The following RBFOX1 variants were observed in gnomAD, a reference collection of about 807,000 sequenced individuals.
The protein encoded by RBFOX1 is RNA binding protein fox-1 homolog 1.
A neutral mutation model predicts 57.7 loss-of-function variants in RBFOX1; 8 were observed. The observed-to-expected ratio is 0.14, with a 90% CI of 0.08 to 0.25. RBFOX1 has a LOEUF of 0.25. RBFOX1 is among the 10% of genes least tolerant of loss of function. RBFOX1 has a pLI of 1.00. For missense variants in RBFOX1, 611 were observed against 548.5 expected, an observed-to-expected ratio of 1.11 and a Z score of -1.14; for synonymous variants, 326 against 222.4, an observed-to-expected ratio of 1.47 and a Z score of -4.15.
chr16:7,181,872 G>A (rs1298711935), intron 4 of RBFOX1, among the ~76,000 whole-genome samples: 6 of 152,062 alleles, frequency 3.9e-5, no homozygotes, highest in African/African-American at 1.4e-4. Flanking sequence ...CCAGAGGAGA[G>A]CTTTCTGAGT....
intron 2 of RBFOX1, among the ~76,000 whole-genome samples, chr16:6,615,339 G>A (rs1304072095): frequency 2.6e-5 from 4 of 152,148 alleles, no homozygotes; most frequent in Admixed American, 2.0e-4. Flanking sequence ...GGAGGCCAAG[G>A]CGGGTGGATC....
intron 4 of RBFOX1, among the ~76,000 whole-genome samples, chr16:7,187,538 A>C (rs993397079): frequency 2.6e-5 from 4 of 151,218 alleles, no homozygotes; most frequent in Non-Finnish European, 5.9e-5. Context: ...AAATACAAAA[A>C]ATTAGCCAGG....
chr16:6,795,618 T>C (rs1256887094), intron 3 of RBFOX1, among the ~76,000 whole-genome samples: 1 of 151,922 alleles, frequency 6.6e-6, no homozygotes, highest in African/African-American at 2.4e-5. Flanking sequence ...ATACAAAAAT[T>C]AGCCTGGCAT....
At chr16:6,814,137 C>T (rs1267919246) in intron 3 of RBFOX1, among the ~76,000 whole-genome samples, 3 of 151,882 alleles carry the variant, frequency 2.0e-5, no homozygotes, top group Non-Finnish European at 2.9e-5. Context: ...TTTAAAACTC[C>T]TAGAACAACA....
At chr16:7,695,649 CA>C (rs34363093) in intron 14 of RBFOX1, among the ~76,000 whole-genome samples, 39,194 of 97,518 alleles carry the variant, frequency 0.4, 6,416 homozygotes, top group African/African-American at 0.41. Flanking sequence ...AAGCCTCCAT[CA>C]AAAAAAAAAA....
chr16:6,844,222 G>A (rs911931631), intron 3 of RBFOX1, among the ~76,000 whole-genome samples: 11 of 151,844 alleles, frequency 7.2e-5, no homozygotes, highest in Non-Finnish European at 1.5e-4. Flanking sequence ...AAGTTCAGGG[G>A]TACATGTGCA....
chr16:7,502,337 C>T (rs1464042628), intron 4 of RBFOX1, among the ~76,000 whole-genome samples: 1 of 152,168 alleles, frequency 6.6e-6, no homozygotes, highest in Non-Finnish European at 1.5e-5. Context: ...GAGCTTACAA[C>T]ATTGTGGGAG....
intron 4 of RBFOX1, among the ~76,000 whole-genome samples, chr16:5,881,833 T>C (rs1024864217): frequency 1.3e-5 from 2 of 152,318 alleles, no homozygotes; most frequent in Admixed American, 6.5e-5. Flanking sequence ...GTAATAATGA[T>C]GGTTAACATT....
rs997111591 is a variant in RBFOX1, at chr16:5,860,952, C to T, written c.319-6351C>T. ...AAAGCTTCATTCTCTGCTTTGCTCT[C>T]GCTTTTTGTGGCTAGGTGAGGACCT... On this transcript the variant is annotated intron_variant, in intron 3 of 19. Transcript: ENST00000641259. Among the ~76,000 whole-genome samples, 17 of 152,238 alleles carry T rather than the reference C, an allele frequency of 1.1e-4. No individual in the cohort carries two copies. The East Asian group carries it at 2.9e-3, about 26-fold the overall frequency.
chr16:7,368,116 A>C (rs1335523192), intron 4 of RBFOX1, among the ~76,000 whole-genome samples: 3 of 151,976 alleles, frequency 2.0e-5, no homozygotes, highest in African/African-American at 7.2e-5. Flanking sequence ...AAAATACTAA[A>C]ATTAGGTGGA....
At chr16:6,628,562 G>GT (rs1018891403) in intron 2 of RBFOX1, among the ~76,000 whole-genome samples, 1 of 151,968 alleles carries the variant, frequency 6.6e-6, no homozygotes, top group East Asian at 1.9e-4. Context: ...ACCTCATTTT[G>GT]TTTTTTTATG....
intron 4 of RBFOX1, among the ~76,000 whole-genome samples, chr16:7,315,402 G>T (rs969045334): frequency 6.7e-6 from 1 of 150,136 alleles, no homozygotes; most frequent in Non-Finnish European, 1.5e-5. Context: ...ATTCTGAAGT[G>T]AATACATGAA....
At chr16:7,615,679 A>C (rs186251780) in intron 10 of RBFOX1, among the ~76,000 whole-genome samples, 51 of 152,186 alleles carry the variant, frequency 3.4e-4, no homozygotes, top group Non-Finnish European at 5.0e-4. Flanking sequence ...GGAATTTGGC[A>C]ATTTCTGGAA....
At chr16:7,378,945 C>T (rs1305183319) in intron 4 of RBFOX1, among the ~76,000 whole-genome samples, 3 of 152,182 alleles carry the variant, frequency 2.0e-5, no homozygotes, top group Admixed American at 2.0e-4. Context: ...AGCACACAGA[C>T]CTTGAAGGAA....
intron 2 of RBFOX1, among the ~76,000 whole-genome samples, chr16:6,328,435 AT>A (rs1239792949): frequency 6.6e-6 from 1 of 152,020 alleles, no homozygotes; most frequent in Non-Finnish European, 1.5e-5. Flanking sequence ...GATGGTAATA[AT>A]TTTTTTTAAT....
intron 4 of RBFOX1, among the ~76,000 whole-genome samples, chr16:7,167,712 A>T (rs2079855505): frequency 6.6e-6 from 1 of 152,058 alleles, no homozygotes; most frequent in South Asian, 2.1e-4. Context: ...ATCCAGCCTG[A>T]CACCTGTTTT....
intron 8 of RBFOX1, among the ~76,000 whole-genome samples, chr16:7,595,865 A>G (rs943419492): frequency 2.1e-4 from 31 of 150,582 alleles, no homozygotes; most frequent in African/African-American, 6.8e-4. Context: ...GTGGATGGCA[A>G]ACGTGAGACA....
At chr16:5,930,394 A>G (rs1210400434) in intron 4 of RBFOX1, among the ~76,000 whole-genome samples, 4 of 126,168 alleles carry the variant, frequency 3.2e-5, no homozygotes, top group African/African-American at 6.2e-5. Context: ...GGATGGATGC[A>G]TGGTTGGGTA....
intron 1 of RBFOX1, among the ~76,000 whole-genome samples, chr16:5,305,165 G>A (rs1596465944): frequency 6.6e-6 from 1 of 152,174 alleles, no homozygotes; most frequent in Non-Finnish European, 1.5e-5. Context: ...GGTCAGATCA[G>A]CCTGGGACCA....
Sources: gnomAD v4.1 joint callset for allele counts (sites outside exome capture counted in the v4.1 genomes callset) on GRCh38, gnomAD v4.1.1 for gene constraint, MANE v1.5 for transcripts, NCBI Gene and HGNC (gene_info 2026-07-23, HGNC 2026-07-21) for gene names.